PCP4: variants seen among roughly 807,000 people sequenced by gnomAD.
PCP4 encodes the protein Purkinje cell protein 4, also known as calmodulin regulator protein PCP4.
In PCP4, 8 loss-of-function variants were observed where a neutral mutation model predicts 10.0. The ratio of observed to expected loss-of-function variants is 0.80; its 90% CI spans 0.47 to 1.45. PCP4 has a LOEUF of 1.45. Ranked by LOEUF, PCP4 falls within the 40% of genes most tolerant of loss-of-function variation. The pLI, the probability that PCP4 is intolerant of heterozygous loss-of-function variation, is 0.00. For missense variants in PCP4, 54 were observed against 74.4 expected (o/e 0.73, Z 1.01); for synonymous variants, 21 against 23.0 (o/e 0.91, Z 0.24).
chr21:39,918,371 C>T (rs889228372), intron 2 of PCP4, among the ~76,000 whole-genome samples: 13 of 151,974 alleles, frequency 8.6e-5, no homozygotes, highest in Middle Eastern at 3.4e-3. Context: ...GATGGAAGCC[C>T]GAGAAACAGA....
intron 1 of PCP4, among the ~76,000 whole-genome samples, chr21:39,874,906 C>A (rs1021390703): frequency 2.0e-5 from 3 of 152,128 alleles, no homozygotes; most frequent in African/African-American, 7.2e-5. Flanking sequence ...TGGCTACGGG[C>A]AGGTAGTGTA....
intron 1 of PCP4, among the ~76,000 whole-genome samples, chr21:39,898,163 T>C (rs1418707894): frequency 6.6e-6 from 1 of 152,126 alleles, no homozygotes; most frequent in Non-Finnish European, 1.5e-5. Flanking sequence ...TTGTAGCTGA[T>C]ACAGAACCTT....
At chr21:39,914,797 G>A (rs2087560829) in intron 2 of PCP4, among the ~76,000 whole-genome samples, 1 of 152,244 alleles carries the variant, frequency 6.6e-6, no homozygotes, top group African/African-American at 2.4e-5. Flanking sequence ...CTATGGTGGT[G>A]AAATTTTTAG....
intron 2 of PCP4, among the ~76,000 whole-genome samples, chr21:39,902,156 A>G (rs926696998): frequency 6.6e-6 from 1 of 152,172 alleles, no homozygotes; most frequent in Non-Finnish European, 1.5e-5. Flanking sequence ...GTCTTGAAGG[A>G]GCAAGGACCC....
intron 2 of PCP4, 112 bp downstream of exon 2, chr21:39,898,639 C>T (rs2837273): frequency 0.13 from 98,815 of 779,610 alleles, 7,067 homozygotes; most frequent in South Asian, 0.21. Context: ...TATGTGTCTG[C>T]GCTTCAGCTT....
At chr21:39,885,365 C>T (rs2087395364) in intron 1 of PCP4, among the ~76,000 whole-genome samples, 2 of 152,210 alleles carry the variant, frequency 1.3e-5, no homozygotes, top group Admixed American at 1.3e-4. Context: ...GAGCCTGAGG[C>T]CCAGCGGAGC....
At chr21:39,870,916 G>C (rs1010079153) in intron 1 of PCP4, among the ~76,000 whole-genome samples, 9 of 152,174 alleles carry the variant, frequency 5.9e-5, no homozygotes, top group African/African-American at 1.9e-4. Flanking sequence ...CTTTCGTCTA[G>C]ACATTGGCCG....
At chr21:39,905,313 C>T (rs148552632) in intron 2 of PCP4, among the ~76,000 whole-genome samples, 215 of 152,046 alleles carry the variant, frequency 1.4e-3, no homozygotes, top group African/African-American at 4.2e-3. Flanking sequence ...TTTGTGCTTT[C>T]GGCTCCAAAC....
intron 1 of PCP4, among the ~76,000 whole-genome samples, chr21:39,885,355 G>T (rs867413378): frequency 3.3e-5 from 5 of 152,208 alleles, no homozygotes; most frequent in African/African-American, 1.2e-4. Context: ...GCCTAGCCGC[G>T]AGCCTGAGGC....
chr21:39,881,092 G>T (rs2087373689), intron 1 of PCP4, among the ~76,000 whole-genome samples: 1 of 152,102 alleles, frequency 6.6e-6, no homozygotes, highest in South Asian at 2.1e-4. Context: ...ACTTTTACCT[G>T]TCTGCTAATC....
intron 2 of PCP4, among the ~76,000 whole-genome samples, chr21:39,918,480 G>T (rs190382780): frequency 4.6e-5 from 7 of 152,260 alleles, no homozygotes; most frequent in Admixed American, 1.3e-4. Flanking sequence ...TTGAACAATC[G>T]AAGACTGTGG....
chr21:39,894,818 A>G (rs146013850), intron 1 of PCP4, among the ~76,000 whole-genome samples: 168 of 152,334 alleles, frequency 1.1e-3, no homozygotes, highest in African/African-American at 3.9e-3. Flanking sequence ...GTTGGAGCTC[A>G]TTCAGAACAG....
At chr21:39,892,484 G>A (rs1285588511) in intron 1 of PCP4, among the ~76,000 whole-genome samples, 1 of 151,450 alleles carries the variant, frequency 6.6e-6, no homozygotes, top group Non-Finnish European at 1.5e-5. Context: ...TAGAGCCTCT[G>A]TCCTCAGACA....
chr21:39,899,457 C>A (rs1050719823), intron 2 of PCP4, among the ~76,000 whole-genome samples: 1 of 152,166 alleles, frequency 6.6e-6, no homozygotes, highest in Non-Finnish European at 1.5e-5. Flanking sequence ...TTCCCTGGGG[C>A]CTCACAACCC....
intron 1 of PCP4, among the ~76,000 whole-genome samples, chr21:39,875,145 A>G (rs947277156): frequency 6.6e-6 from 1 of 152,196 alleles, no homozygotes; most frequent in African/African-American, 2.4e-5. Flanking sequence ...TTATTAAATA[A>G]TAGCCACTGT....
intron 2 of PCP4, among the ~76,000 whole-genome samples, chr21:39,921,165 TGCAAGCTGGTTG>T (rs923016194): frequency 3.3e-5 from 5 of 152,240 alleles, no homozygotes; most frequent in Admixed American, 3.3e-4. Flanking sequence ...CAGCAGATTT[TGCAAGCTGGTTG>T]ACTGTATTAT....
At chr21:39,887,761 G>A (rs976226508) in intron 1 of PCP4, among the ~76,000 whole-genome samples, 7 of 152,172 alleles carry the variant, frequency 4.6e-5, no homozygotes, top group Admixed American at 6.5e-5. Context: ...AGCCTGATTA[G>A]CCTTCGTCAA....
At chr21:39,896,933 G>A (rs772361964) in intron 1 of PCP4, among the ~76,000 whole-genome samples, 11 of 152,064 alleles carry the variant, frequency 7.2e-5, no homozygotes, top group Non-Finnish European at 1.3e-4. Context: ...CTCCTTGTTC[G>A]GTGCTCTGCT....
chr21:39,924,450 G>A (rs555644718), intron 2 of PCP4, among the ~76,000 whole-genome samples: 15 of 152,274 alleles, frequency 9.9e-5, no homozygotes, highest in African/African-American at 2.9e-4. Context: ...GGCTCAGTGC[G>A]GAGAGTATCT....
Sources: gnomAD v4.1 joint callset for allele counts (sites outside exome capture counted in the v4.1 genomes callset) on GRCh38, gnomAD v4.1.1 for gene constraint, MANE v1.5 for transcripts, NCBI Gene and HGNC (gene_info 2026-07-23, HGNC 2026-07-21) for gene names.